The following ABTB2 variants were observed in gnomAD, a reference collection of about 807,000 sequenced individuals.
The protein encoded by ABTB2 is ankyrin repeat and BTB/POZ domain-containing protein 2.
In ABTB2, 56 loss-of-function variants were observed where a neutral mutation model predicts 104.1. The observed-to-expected ratio is 0.54, with a 90% CI of 0.43 to 0.67. The LOEUF is 0.67. Among genes scored for constraint, ABTB2 ranks in the 30% least tolerant of loss-of-function variants. The pLI, the probability that ABTB2 is intolerant of heterozygous loss-of-function variation, is 0.00. For synonymous variants in ABTB2, 606 were observed against 608.2 expected (o/e 1.00, Z 0.05); for missense variants, 1,279 against 1,407.7 (o/e 0.91, Z 1.46).
chr11:34,177,608 T>C (rs1852972809), intron 3 of ABTB2, among the ~76,000 whole-genome samples: 1 of 152,174 alleles, frequency 6.6e-6, no homozygotes, highest in South Asian at 2.1e-4. Flanking sequence ...ATCTGAGGCT[T>C]CAGAGTAGTG....
chr11:34,353,902 C>T (rs1401717724), intron 1 of ABTB2, among the ~76,000 whole-genome samples: 3 of 152,188 alleles, frequency 2.0e-5, no homozygotes, highest in South Asian at 2.1e-4. Context: ...CTGTGTAAAC[C>T]GTTACCTTGC....
chr11:34,224,247 C>T (rs1405949964), intron 1 of ABTB2, among the ~76,000 whole-genome samples: 2 of 152,092 alleles, frequency 1.3e-5, no homozygotes, highest in Admixed American at 6.5e-5. Context: ...TGGACTCAAG[C>T]AGTCCTTTTG....
chr11:34,304,559 G>A (rs528418309), intron 1 of ABTB2, among the ~76,000 whole-genome samples: 9 of 152,254 alleles, frequency 5.9e-5, no homozygotes, highest in East Asian at 5.8e-4. Context: ...AGGGGCTCAC[G>A]CCTGTAATCC....
At chr11:34,300,352 A>T (rs923236740) in intron 1 of ABTB2, among the ~76,000 whole-genome samples, 6 of 152,230 alleles carry the variant, frequency 3.9e-5, no homozygotes, top group African/African-American at 7.2e-5. Context: ...GAATTCAATT[A>T]CAAAACCCTA....
chr11:34,169,629 A>G (rs1852842319), intron 5 of ABTB2, among the ~76,000 whole-genome samples: 1 of 152,084 alleles, frequency 6.6e-6, no homozygotes, highest in Non-Finnish European at 1.5e-5. Flanking sequence ...AGCTCCCACA[A>G]AGCCCGGGAA....
chr11:34,288,044 T>G (rs1854526412), intron 1 of ABTB2, among the ~76,000 whole-genome samples: 1 of 152,182 alleles, frequency 6.6e-6, no homozygotes, highest in South Asian at 2.1e-4. Flanking sequence ...GGTGGTATGT[T>G]GAATCCCAAA....
intron 1 of ABTB2, among the ~76,000 whole-genome samples, chr11:34,289,431 T>G (rs1430300154): frequency 1.3e-5 from 2 of 152,202 alleles, no homozygotes; most frequent in African/African-American, 4.8e-5. Context: ...TGACCTACAT[T>G]GTTTTATTTT....
In ABTB2 at chr11:34,298,959, C is replaced by T. The variant is rs1854662911; in HGVS notation, c.883+57742G>A. ...CCTCTTTCAAATTCCAGCCCTTGAA[C>T]AGTTTGAATGATTGAAGACACAGCT... On this transcript the variant is annotated intron_variant, in intron 1 of 16. Coordinates refer to ENST00000435224, the MANE Select transcript of ABTB2 (RefSeq NM_145804.3). 3.3e-5 allele frequency among the ~76,000 whole-genome samples: 5 copies of T among 152,310 alleles called. No individual in the cohort carries two copies. In the South Asian group the frequency reaches 1.0e-3, roughly 32 times the overall value.
At chr11:34,318,414 G>A (rs968230264) in intron 1 of ABTB2, among the ~76,000 whole-genome samples, 11 of 152,168 alleles carry the variant, frequency 7.2e-5, no homozygotes, top group African/African-American at 2.2e-4. Flanking sequence ...CTCCACCCAT[G>A]TTACTGCAAA....
At chr11:34,177,555 G>A (rs1852972151) in intron 3 of ABTB2, among the ~76,000 whole-genome samples, 1 of 152,128 alleles carries the variant, frequency 6.6e-6, no homozygotes, top group Non-Finnish European at 1.5e-5. Context: ...TGAAAACTGA[G>A]GGTTTTTTTT....
intron 3 of ABTB2, among the ~76,000 whole-genome samples, chr11:34,191,435 T>C (rs1174741551): frequency 6.6e-6 from 1 of 152,236 alleles, no homozygotes; most frequent in Non-Finnish European, 1.5e-5. Context: ...GGATCTCACC[T>C]GGACAAGAGC....
chr11:34,176,165 G>T (rs996461141), intron 3 of ABTB2, among the ~76,000 whole-genome samples: 2 of 151,302 alleles, frequency 1.3e-5, no homozygotes, highest in African/African-American at 4.9e-5. Context: ...CTGTAGTTCC[G>T]GCTACTCAGG....
chr11:34,256,961 C>G (rs939000943), intron 1 of ABTB2, among the ~76,000 whole-genome samples: 2 of 151,802 alleles, frequency 1.3e-5, no homozygotes, highest in Admixed American at 1.3e-4. Flanking sequence ...AACTGCTACC[C>G]AACCAGGGCT....
chr11:34,338,523 C>T (rs1294841878), intron 1 of ABTB2, among the ~76,000 whole-genome samples: 3 of 150,648 alleles, frequency 2.0e-5, no homozygotes, highest in South Asian at 2.1e-4. Context: ...ATGGTGAAAC[C>T]CCATCTCTAC....
At chr11:34,259,762 A>G (rs1014116910) in intron 1 of ABTB2, among the ~76,000 whole-genome samples, 6 of 152,274 alleles carry the variant, frequency 3.9e-5, no homozygotes, top group African/African-American at 1.4e-4. Context: ...ACCCCTAGAA[A>G]ACTAGGACTA....
intron 1 of ABTB2, among the ~76,000 whole-genome samples, chr11:34,303,810 T>G (rs1854740051): frequency 6.6e-6 from 1 of 151,922 alleles, no homozygotes; most frequent in African/African-American, 2.4e-5. Context: ...GCCCAGCTAA[T>G]TTTTGTATTT....
chr11:34,225,231 T>A (rs1565145543), intron 1 of ABTB2, among the ~76,000 whole-genome samples: 1 of 152,200 alleles, frequency 6.6e-6, no homozygotes, highest in Non-Finnish European at 1.5e-5. Flanking sequence ...CTCTGACGCG[T>A]TAGAGCAGAA....
chr11:34,347,467 G>A (rs1171738612), intron 1 of ABTB2, among the ~76,000 whole-genome samples: 1 of 151,948 alleles, frequency 6.6e-6, no homozygotes, highest in African/African-American at 2.4e-5. Flanking sequence ...AAGAAAGAAA[G>A]GAAACTGTGG....
At chr11:34,195,081 G>GC (rs1554982335) in intron 3 of ABTB2, among the ~76,000 whole-genome samples, 4 of 102,522 alleles carry the variant, frequency 3.9e-5, no homozygotes, top group Non-Finnish European at 7.0e-5. Context: ...CCGGCGGGGG[G>GC]GGGGAGTGGG....
Sources: gnomAD v4.1 joint callset for allele counts (sites outside exome capture counted in the v4.1 genomes callset) on GRCh38, gnomAD v4.1.1 for gene constraint, MANE v1.5 for transcripts, NCBI Gene and HGNC (gene_info 2026-07-23, HGNC 2026-07-21) for gene names.